Variants in QTMAN observed in about 807,000 individuals in gnomAD.
The protein encoded by QTMAN is tRNA-queuosine alpha-mannosyltransferase.
At chr2:143,980,932 C>A in the QTMAN span, among the ~76,000 whole-genome samples, 1 of 152,162 alleles carries the variant, frequency 6.6e-6, no homozygotes, top group Non-Finnish European at 1.5e-5. Flanking sequence ...CATCCTCTCC[C>A]TCTGTGCTGT....
chr2:144,181,983 T>C, the QTMAN span, among the ~76,000 whole-genome samples: 3 of 152,086 alleles, frequency 2.0e-5, no homozygotes, highest in Non-Finnish European at 4.4e-5. Flanking sequence ...AAAAGCGCTC[T>C]GTGGCCCAAG....
chr2:144,015,975 AG>A, the QTMAN span, among the ~76,000 whole-genome samples: 1 of 152,232 alleles, frequency 6.6e-6, no homozygotes, highest in African/African-American at 2.4e-5. Flanking sequence ...GACGTGTAGT[AG>A]GAGCTGACTA....
chr2:144,082,607 A>G, the QTMAN span, among the ~76,000 whole-genome samples: 1 of 149,636 alleles, frequency 6.7e-6, no homozygotes, highest in Non-Finnish European at 1.5e-5. Flanking sequence ...TAAAAAAAAA[A>G]TGATGATTAT....
chr2:143,994,205 A>G, the QTMAN span, among the ~76,000 whole-genome samples: 1 of 152,232 alleles, frequency 6.6e-6, no homozygotes, highest in African/African-American at 2.4e-5. Flanking sequence ...GTGGATAATC[A>G]AGAGTTGACT....
At chr2:144,100,269 T>A in the QTMAN span, among the ~76,000 whole-genome samples, 2 of 152,164 alleles carry the variant, frequency 1.3e-5, no homozygotes, top group South Asian at 4.1e-4. Context: ...AATACACGTG[T>A]TTCAAAGCAT....
At chr2:144,276,229 T>C in the QTMAN span, among the ~76,000 whole-genome samples, 10 of 152,202 alleles carry the variant, frequency 6.6e-5, no homozygotes, top group East Asian at 9.7e-4. Context: ...AAAAAAGTTA[T>C]AGAAATGGGG....
the QTMAN span, among the ~76,000 whole-genome samples, chr2:143,987,168 T>C: frequency 6.6e-6 from 1 of 152,152 alleles, no homozygotes; most frequent in Non-Finnish European, 1.5e-5. Context: ...AGATGAGAGC[T>C]CTTTCTATGA....
chr2:144,221,054 G>C, the QTMAN span, among the ~76,000 whole-genome samples: 1 of 152,176 alleles, frequency 6.6e-6, no homozygotes, highest in Non-Finnish European at 1.5e-5. Flanking sequence ...ACAGGTGATA[G>C]TGAAATTTCA....
chr2:144,047,279 T>TA, the QTMAN span, among the ~76,000 whole-genome samples: 8,806 of 151,792 alleles, frequency 0.058, 866 homozygotes, highest in African/African-American at 0.2. Flanking sequence ...TCAAAAGAGA[T>TA]AAAAAAATAA....
the QTMAN span, among the ~76,000 whole-genome samples, chr2:144,255,403 C>T: frequency 1.3e-5 from 2 of 152,022 alleles, no homozygotes; most frequent in South Asian, 2.1e-4. Flanking sequence ...TCTCTTTGGC[C>T]GTGATGTGAA....
the QTMAN span, among the ~76,000 whole-genome samples, chr2:144,252,045 A>T: frequency 6.6e-6 from 1 of 151,878 alleles, no homozygotes; most frequent in Non-Finnish European, 1.5e-5. Context: ...TTTTTTTTTA[A>T]TGTGTAACAT....
the QTMAN span, among the ~76,000 whole-genome samples, chr2:144,239,356 A>C: frequency 6.6e-6 from 1 of 152,190 alleles, no homozygotes; most frequent in Non-Finnish European, 1.5e-5. Flanking sequence ...GTTCATTATT[A>C]TTTGTTTAAC....
the QTMAN span, among the ~76,000 whole-genome samples, chr2:143,947,917 C>T: frequency 1.2e-3 from 186 of 151,702 alleles, no homozygotes; most frequent in Non-Finnish European, 2.1e-3. Context: ...GAGGGAAAGG[C>T]AGAGGAGGGA....
the QTMAN span, among the ~76,000 whole-genome samples, chr2:144,235,256 TTC>T: frequency 2.0e-5 from 3 of 152,052 alleles, no homozygotes; most frequent in Non-Finnish European, 4.4e-5. Flanking sequence ...TAGACTGATT[TTC>T]TGTTTATTAA....
chr2:144,143,933 A>G, the QTMAN span, among the ~76,000 whole-genome samples: 4 of 151,930 alleles, frequency 2.6e-5, no homozygotes, highest in Non-Finnish European at 4.4e-5. Flanking sequence ...CATTTGAGGA[A>G]GCAGGAGTCA....
the QTMAN span, among the ~76,000 whole-genome samples, chr2:143,948,427 T>C: frequency 6.6e-6 from 1 of 152,278 alleles, no homozygotes; most frequent in East Asian, 1.9e-4. Flanking sequence ...AAAGCAAGAA[T>C]GGCATCTCTC....
the QTMAN span, among the ~76,000 whole-genome samples, chr2:144,309,172 T>A: frequency 6.6e-6 from 1 of 152,226 alleles, no homozygotes; most frequent in African/African-American, 2.4e-5. Context: ...CTAGTGAGTA[T>A]GATACAATCA....
the QTMAN span, among the ~76,000 whole-genome samples, chr2:144,203,961 G>A: frequency 1.1e-4 from 17 of 148,330 alleles, no homozygotes; most frequent in South Asian, 6.5e-4. Context: ...AGCTGAAACT[G>A]GATCCCTTCC....
chr2:144,034,866 C>A, the QTMAN span, among the ~76,000 whole-genome samples: 1 of 152,168 alleles, frequency 6.6e-6, no homozygotes, highest in East Asian at 1.9e-4. Flanking sequence ...GCCCAAAACA[C>A]ATTAAATTTT....
Sources: allele counts gnomAD v4.1 joint callset (sites outside exome capture counted in the v4.1 genomes callset), GRCh38; gene constraint gnomAD v4.1.1; transcripts MANE v1.5; gene names NCBI Gene and HGNC (gene_info 2026-07-23, HGNC 2026-07-21).